PLEKHG1: variants seen among roughly 807,000 people sequenced by gnomAD.
The protein encoded by PLEKHG1 is pleckstrin homology and RhoGEF domain containing G1, also known as pleckstrin homology domain-containing family G member 1.
A neutral mutation model predicts 100.8 loss-of-function variants in PLEKHG1; 44 were observed. That is an observed-to-expected ratio of 0.44 (90% confidence interval 0.34 to 0.56). The LOEUF (loss-of-function observed/expected upper bound fraction) is 0.56. Among genes scored for constraint, PLEKHG1 ranks in the 20% least tolerant of loss-of-function variants. PLEKHG1 has a pLI of 0.01. For synonymous variants in PLEKHG1, 640 were observed against 662.5 expected (o/e 0.97, Z 0.52); for missense variants, 1,545 against 1,720.9 (o/e 0.90, Z 1.81).
At chr6:150,797,225 C>T (rs984444182) in intron 5 of PLEKHG1, among the ~76,000 whole-genome samples, 3 of 152,154 alleles carry the variant, frequency 2.0e-5, no homozygotes, top group Non-Finnish European at 4.4e-5. Context: ...TCTTGGTAGA[C>T]AGGTCCCTGA....
intron 1 of PLEKHG1, among the ~76,000 whole-genome samples, chr6:150,732,500 G>A (rs373924959): frequency 4.6e-5 from 7 of 152,154 alleles, no homozygotes; most frequent in South Asian, 2.1e-4. Context: ...ACATGTTGTC[G>A]GGCAACTTCA....
At chr6:150,613,418 C>T (rs190629080) in intron 1 of PLEKHG1, among the ~76,000 whole-genome samples, 95 of 152,290 alleles carry the variant, frequency 6.2e-4, no homozygotes, top group African/African-American at 2.2e-3. Context: ...ATTTCCAGTG[C>T]CTTAAAAGAG....
rs1475159691 is a variant in PLEKHG1, at chr6:150,819,666, G to T, written c.1313-13G>T. The T allele has an allele frequency of 1.3e-6, 2 of 1,548,968 alleles. No homozygotes were observed. The highest frequency in any genetic ancestry group is 1.8e-6 in the Non-Finnish European group (2 of 1,120,608). On this transcript the variant is annotated splice_polypyrimidine_tract_variant and intron_variant, in intron 11 of 15. Coordinates refer to ENST00000358517, the Ensembl canonical transcript of PLEKHG1. ...CACCACAGTCCCACTGATGCACGTG[G>T]TTATCTTTACAGATCATCCAGGCTT... is the stretch of plus-strand genomic sequence containing the variant.
At chr6:150,641,627 A>C (rs1255616006) in intron 2 of PLEKHG1, among the ~76,000 whole-genome samples, 1 of 152,168 alleles carries the variant, frequency 6.6e-6, no homozygotes, top group Non-Finnish European at 1.5e-5. Flanking sequence ...GATTTCCAGG[A>C]AGTGCTGGTG....
intron 3 of PLEKHG1, among the ~76,000 whole-genome samples, chr6:150,711,493 A>G (rs1445281912): frequency 6.6e-6 from 1 of 152,184 alleles, no homozygotes; most frequent in African/African-American, 2.4e-5. Flanking sequence ...CCAGGGTATG[A>G]TCGATGATTT....
At chr6:150,796,200 A>G (rs1297637392) in intron 5 of PLEKHG1, among the ~76,000 whole-genome samples, 1 of 152,244 alleles carries the variant, frequency 6.6e-6, no homozygotes, top group Admixed American at 6.5e-5. Flanking sequence ...TCAGGCCGCA[A>G]GTCTTGCCTG....
At chr6:150,691,267 G>A (rs969274787) in intron 3 of PLEKHG1, among the ~76,000 whole-genome samples, 1 of 152,068 alleles carries the variant, frequency 6.6e-6, no homozygotes, top group Admixed American at 6.5e-5. Context: ...ACCTGGTCAT[G>A]AAATCCTTTA....
chr6:150,794,391 C>T (rs546517395), intron 4 of PLEKHG1, among the ~76,000 whole-genome samples: 1 of 152,282 alleles, frequency 6.6e-6, no homozygotes, highest in South Asian at 2.1e-4. Context: ...TTAGTCTGGG[C>T]ATGGTGGCTC....
chr6:150,732,636 G>A (rs1199191232), intron 1 of PLEKHG1, among the ~76,000 whole-genome samples: 1 of 152,180 alleles, frequency 6.6e-6, no homozygotes, highest in East Asian at 1.9e-4. Flanking sequence ...GTTTTGTTTT[G>A]AGATAAAGTC....
chr6:150,677,302 ACGCG>A (rs377732298), intron 3 of PLEKHG1, among the ~76,000 whole-genome samples: 2 of 144,308 alleles, frequency 1.4e-5, no homozygotes, highest in Admixed American at 7.0e-5. Context: ...ACACACACAC[ACGCG>A]CGCGCGCACA....
chr6:150,804,155 T>A (rs9322284), intron 6 of PLEKHG1, among the ~76,000 whole-genome samples: 2,305 of 30,370 alleles, frequency 0.076, 322 homozygotes, highest in African/African-American at 0.15. Flanking sequence ...TGTAAATATT[T>A]TATATATATA....
rs776868858 is a variant in PLEKHG1, at chr6:150,831,506, T to A, written c.2395T>A (p.Tyr799Asn). ...CCAGCTCAGTGAGGACGAAGCCCCT[T>A]ACCATCAGGCCACTCCCGATCATGG... Residue 799 changes from tyrosine (Y) to asparagine (N), a missense_variant, in exon 15 of 16, where the codon TAC becomes AAC. Coordinates refer to ENST00000358517, the Ensembl canonical transcript of PLEKHG1. The surrounding 1 kb of genome is among the most constrained non-coding windows in gnomAD (Gnocchi z 4.1). The A allele has an allele frequency of 2.9e-5, 46 of 1,613,998 alleles. No individual in the cohort carries two copies. The highest frequency in any genetic ancestry group is 3.3e-5 in the Non-Finnish European group (39 of 1,179,986).
chr6:150,754,730 A>AC (rs1182563276), intron 2 of PLEKHG1, among the ~76,000 whole-genome samples: 1 of 148,992 alleles, frequency 6.7e-6, no homozygotes, highest in African/African-American at 2.5e-5. Context: ...GGGCAATGGC[A>AC]CAATCTTGGC....
chr6:150,697,239 A>G (rs10872665), intron 3 of PLEKHG1, among the ~76,000 whole-genome samples: 55,243 of 152,144 alleles, frequency 0.36, 10,640 homozygotes, highest in Middle Eastern at 0.45. Context: ...AACAATTTGT[A>G]AATTCTCAAC....
intron 1 of PLEKHG1, among the ~76,000 whole-genome samples, chr6:150,730,145 A>G (rs4242273): frequency 0.9 from 137,598 of 152,138 alleles, 62,389 homozygotes; most frequent in Non-Finnish European, 0.93. Context: ...CTGTGTGAAA[A>G]ACAGTTTTCT....
chr6:150,674,680 T>TCTCTCC (rs1562427813), intron 3 of PLEKHG1, among the ~76,000 whole-genome samples: 5 of 132,788 alleles, frequency 3.8e-5, no homozygotes, highest in African/African-American at 1.5e-4. Context: ...TCTCTCTCTC[T>TCTCTCC]CTCCCCCCTC....
chr6:150,775,283 C>T (rs742636), intron 3 of PLEKHG1, among the ~76,000 whole-genome samples: 11,087 of 152,168 alleles, frequency 0.073, 462 homozygotes, highest in Middle Eastern at 0.17. Context: ...AATACAGAAA[C>T]GTTACCTAAA....
At chr6:150,618,076 CA>C (rs1373348783) in intron 1 of PLEKHG1, among the ~76,000 whole-genome samples, 5 of 152,108 alleles carry the variant, frequency 3.3e-5, no homozygotes, top group African/African-American at 7.2e-5. Flanking sequence ...ATACAATTTG[CA>C]AATAGTAATT....
Position 150,637,226 on chromosome 6 carries a change from C to T in PLEKHG1, c.-203-854C>T, listed in dbSNP as rs142353270. 6.2e-4 allele frequency among the ~76,000 whole-genome samples: 95 copies of T among 152,248 alleles called. No individual in the cohort carries two copies. The South Asian group carries it at 7.9e-3, about 13-fold the overall frequency. ...ATGCAAATATTATTCACTGCGGAGC[C>T]GAGTAATAGAATTAGATCCATAGAG... On this transcript the variant is annotated intron_variant, in intron 1 of 3. Transcript: ENST00000367326.
Sources: allele counts gnomAD v4.1 joint callset (sites outside exome capture counted in the v4.1 genomes callset), GRCh38; gene constraint gnomAD v4.1.1; non-coding constraint Gnocchi (gnomAD v3.1); transcripts MANE v1.5; gene names NCBI Gene and HGNC (gene_info 2026-07-23, HGNC 2026-07-21).